MCC: variants seen among roughly 807,000 people sequenced by gnomAD.
MCC encodes the protein colorectal mutant cancer protein.
In MCC, 90 loss-of-function variants were observed where a neutral mutation model predicts 116.2. The ratio of observed to expected loss-of-function variants is 0.77; its 90% CI spans 0.65 to 0.92. MCC has a LOEUF of 0.92. MCC is among the 40% of genes least tolerant of loss of function. The probability of loss-of-function intolerance (pLI) is 0.00; values close to 1 mark genes in which losing one functional copy is unlikely to be tolerated. For missense variants in MCC, 1,516 were observed against 1,312.2 expected (o/e 1.16, Z -2.40); for synonymous variants, 578 against 510.5 (o/e 1.13, Z -1.78).
At chr5:113,461,266 A>C (rs548092927) in intron 1 of MCC, among the ~76,000 whole-genome samples, 1 of 152,342 alleles carries the variant, frequency 6.6e-6, no homozygotes, top group South Asian at 2.1e-4. Flanking sequence ...GACTTAAAAA[A>C]ACAAACAATA....
At chr5:113,395,599 C>CAT (rs1345900896) in intron 1 of MCC, among the ~76,000 whole-genome samples, 1 of 152,082 alleles carries the variant, frequency 6.6e-6, no homozygotes, top group Non-Finnish European at 1.5e-5. Context: ...GTAAGGTGAC[C>CAT]ATACCCTCCC....
In MCC at chr5:113,043,620, T is replaced by G; in HGVS notation, c.2666A>C (p.Asp889Ala). 1 of 1,613,126 alleles carries G rather than the reference T, an allele frequency of 6.2e-7. No individual in the cohort carries two copies. Among genetic ancestry groups the G allele is most frequent in the Non-Finnish European group, 8.5e-7 (1 of 1,179,102 alleles). The change falls in exon 17 of 19, where the codon GAT (aspartate) becomes GCT (alanine). Residue 889 changes from aspartate to alanine, a missense_variant. Asp to Ala is a moderately radical substitution (Grantham distance 126). Coordinates refer to ENST00000408903, the MANE Select transcript of MCC (RefSeq NM_001085377.2). Reference sequence around the variant, plus strand: ...TAGGGACAGAGCTGGGGAGGCAGCATCAGCACACTCCTGACAACAGCAAAC... The same window carrying G: ...TAGGGACAGAGCTGGGGAGGCAGCAGCAGCACACTCCTGACAACAGCAAAC... ...SKDKPGKECA[D>A]AASPALSLAE...
At chr5:113,324,966 G>A (rs986592362) in intron 3 of MCC, among the ~76,000 whole-genome samples, 1 of 151,082 alleles carries the variant, frequency 6.6e-6, no homozygotes, top group Non-Finnish European at 1.5e-5. Context: ...CCAAGTAGCT[G>A]GGACTACAGG....
intron 3 of MCC, among the ~76,000 whole-genome samples, chr5:113,275,631 C>G (rs1032548890): frequency 3.9e-5 from 6 of 152,040 alleles, no homozygotes; most frequent in African/African-American, 1.4e-4. Context: ...ATTCTACCAA[C>G]CATAGATCAA....
intron 3 of MCC, among the ~76,000 whole-genome samples, chr5:113,173,409 G>C (rs2150304817): frequency 6.6e-6 from 1 of 152,262 alleles, no homozygotes; most frequent in South Asian, 2.1e-4. Context: ...TACTCTAAAT[G>C]ACAATATTAT....
At chr5:113,076,386 A>G (rs1754456456) in intron 11 of MCC, among the ~76,000 whole-genome samples, 1 of 152,234 alleles carries the variant, frequency 6.6e-6, no homozygotes, top group Non-Finnish European at 1.5e-5. Context: ...AATGAAGGAA[A>G]AAAATGTTAA....
At chr5:113,475,425 A>T (rs923984792) in intron 1 of MCC, among the ~76,000 whole-genome samples, 1 of 152,194 alleles carries the variant, frequency 6.6e-6, no homozygotes, top group African/African-American at 2.4e-5. Flanking sequence ...TGAAAAAGTA[A>T]TAGGTCCAAA....
intron 5 of MCC, among the ~76,000 whole-genome samples, chr5:113,132,123 A>G (rs1227174165): frequency 6.6e-6 from 1 of 151,886 alleles, no homozygotes; most frequent in Non-Finnish European, 1.5e-5. Flanking sequence ...TTTCTAATTT[A>G]TAATTTTTTT....
intron 3 of MCC, among the ~76,000 whole-genome samples, chr5:113,160,148 C>A (rs1351684530): frequency 6.6e-6 from 1 of 152,146 alleles, no homozygotes; most frequent in Non-Finnish European, 1.5e-5. Context: ...GGAACAGTGC[C>A]AGATCACAAA....
At chr5:113,360,902 G>A (rs185300491) in intron 2 of MCC, among the ~76,000 whole-genome samples, 8 of 152,250 alleles carry the variant, frequency 5.3e-5, no homozygotes, top group Admixed American at 2.6e-4. Context: ...GCCCCTGGAT[G>A]TCCTACTCCT....
intron 3 of MCC, among the ~76,000 whole-genome samples, chr5:113,206,928 T>C (rs550789536): frequency 1.3e-5 from 2 of 152,308 alleles, no homozygotes; most frequent in Admixed American, 6.5e-5. Flanking sequence ...TTGGTGGTAT[T>C]ACAGAGCGAT....
chr5:113,138,491 T>C (rs1758979014), intron 5 of MCC, among the ~76,000 whole-genome samples: 1 of 152,194 alleles, frequency 6.6e-6, no homozygotes, highest in African/African-American at 2.4e-5. Context: ...TCCCTCCATG[T>C]GAGGACACAG....
At chr5:113,054,245 G>T (rs1036619438) in intron 14 of MCC, among the ~76,000 whole-genome samples, 1 of 152,084 alleles carries the variant, frequency 6.6e-6, no homozygotes, top group Non-Finnish European at 1.5e-5. Context: ...ACATACAAAG[G>T]AACATAATCT....
chr5:113,178,923 T>TCAC (rs1190927876), intron 3 of MCC, among the ~76,000 whole-genome samples: 148 of 1,828 alleles, frequency 0.081, 1 homozygote, highest in African/African-American at 0.091. Context: ...AAAAAAAATC[T>TCAC]TATAATATTT....
At chr5:113,370,288 C>T (rs1422597119) in intron 2 of MCC, among the ~76,000 whole-genome samples, 2 of 152,140 alleles carry the variant, frequency 1.3e-5, no homozygotes, top group Non-Finnish European at 2.9e-5. Context: ...CATGAAGAGG[C>T]GAAGGTTTTT....
intron 14 of MCC, among the ~76,000 whole-genome samples, chr5:113,059,547 G>A (rs1753071124): frequency 6.6e-6 from 1 of 152,184 alleles, no homozygotes; most frequent in African/African-American, 2.4e-5. Context: ...CACTTTCTGT[G>A]GCTGCATTAT....
intron 12 of MCC, 27 bp from the exon 13 acceptor site, chr5:113,068,210 C>G: frequency 3.8e-6 from 6 of 1,577,398 alleles, no homozygotes; most frequent in Non-Finnish European, 5.2e-6. Context: ...GGGGCCTCAG[C>G]CCTTGCAGAG....
intron 14 of MCC, among the ~76,000 whole-genome samples, 182 bp from the exon 15 acceptor site, chr5:113,054,141 T>G (rs552196881): frequency 9.8e-5 from 15 of 152,304 alleles, no homozygotes; most frequent in African/African-American, 3.6e-4. Flanking sequence ...GAATTAAGTA[T>G]GAAGAATAAC....
chr5:113,394,890 T>C (rs985634934), intron 1 of MCC, among the ~76,000 whole-genome samples: 22 of 152,246 alleles, frequency 1.4e-4, no homozygotes, highest in African/African-American at 5.1e-4. Context: ...TCTAGTTTAT[T>C]GGAACAGAGC....
Sources: gnomAD v4.1 joint callset for allele counts (sites outside exome capture counted in the v4.1 genomes callset) on GRCh38, gnomAD v4.1.1 for gene constraint, MANE v1.5 for transcripts, NCBI Gene and HGNC (gene_info 2026-07-23, HGNC 2026-07-21) for gene names.